TP63: variants seen among roughly 807,000 people sequenced by gnomAD.
The protein encoded by TP63 is tumor protein p63.
Under a neutral mutation model 82.8 loss-of-function variants are expected in TP63, and 17 were observed. The ratio of observed to expected loss-of-function variants is 0.21; its 90% CI spans 0.14 to 0.31. The LOEUF is 0.31. Among genes scored for constraint, TP63 ranks in the 10% least tolerant of loss-of-function variants. TP63 has a pLI of 1.00. For synonymous variants in TP63, 330 were observed against 321.7 expected, an observed-to-expected ratio of 1.03 and a Z score of -0.28; for missense variants, 648 against 895.3, an observed-to-expected ratio of 0.72 and a Z score of 3.52.
intron 4 of TP63, among the ~76,000 whole-genome samples, chr3:189,851,773 A>G (rs1168337503): frequency 1.3e-5 from 2 of 152,022 alleles, no homozygotes; most frequent in Non-Finnish European, 2.9e-5. Flanking sequence ...CAGACTTAAG[A>G]TATGCCCTTC....
intron 3 of TP63, among the ~76,000 whole-genome samples, chr3:189,803,101 C>T (rs1376481403): frequency 6.6e-6 from 1 of 152,126 alleles, no homozygotes; most frequent in East Asian, 1.9e-4. Flanking sequence ...GAGTTTGAGA[C>T]CAGCCCGACC....
intron 3 of TP63, among the ~76,000 whole-genome samples, chr3:189,792,161 C>T (rs1243396937): frequency 1.3e-5 from 2 of 151,972 alleles, no homozygotes; most frequent in Non-Finnish European, 2.9e-5. Flanking sequence ...TTCCCCAACC[C>T]TTAGCAGATT....
chr3:189,699,622 A>C (rs1439175296), intron 1 of TP63, among the ~76,000 whole-genome samples: 3 of 152,204 alleles, frequency 2.0e-5, no homozygotes, highest in East Asian at 3.9e-4. Flanking sequence ...CCTGCCCTTC[A>C]TTAACATAGG....
chr3:189,628,127 A>G (rs1023289908), upstream of TP63, among the ~76,000 whole-genome samples: 3 of 152,138 alleles, frequency 2.0e-5, no homozygotes, highest in African/African-American at 7.2e-5. Context: ...CCAGGAAGAA[A>G]GTTATAGGTG....
At chr3:189,841,487 T>G (rs1418216894) in intron 4 of TP63, among the ~76,000 whole-genome samples, 1 of 152,126 alleles carries the variant, frequency 6.6e-6, no homozygotes, top group Non-Finnish European at 1.5e-5. Context: ...AGTCTTCCGG[T>G]AAAAAGAATA....
intron 5 of TP63, 108 bp downstream of exon 5, chr3:189,864,526 G>T: frequency 5.1e-6 from 4 of 784,298 alleles, no homozygotes; most frequent in Non-Finnish European, 7.5e-6. Flanking sequence ...GCACTCCGAT[G>T]GCAGATCAGT....
chr3:189,873,904 T>C (rs1335428113), intron 10 of TP63, among the ~76,000 whole-genome samples: 1 of 152,184 alleles, frequency 6.6e-6, no homozygotes, highest in African/African-American at 2.4e-5. Context: ...ACTTGAGTAA[T>C]GTAGACTTTC....
the TP63 span, among the ~76,000 whole-genome samples, chr3:189,610,136 G>A: frequency 2.0e-5 from 3 of 152,184 alleles, no homozygotes; most frequent in African/African-American, 7.2e-5. Flanking sequence ...GTGATATTGA[G>A]CTTTTTTTCA....
intron 4 of TP63, among the ~76,000 whole-genome samples, chr3:189,833,244 T>C (rs1323223489): frequency 6.6e-6 from 1 of 152,206 alleles, no homozygotes; most frequent in African/African-American, 2.4e-5. Flanking sequence ...ACAGTGATGA[T>C]AGTGATGGCC....
intron 1 of TP63, among the ~76,000 whole-genome samples, chr3:189,719,749 C>A (rs1464679147): frequency 6.6e-6 from 1 of 152,118 alleles, no homozygotes; most frequent in Non-Finnish European, 1.5e-5. Flanking sequence ...TTCAGAGAGT[C>A]TTCTGTTTTT....
chr3:189,836,472 G>T (rs374889445), intron 4 of TP63, among the ~76,000 whole-genome samples: 7 of 152,132 alleles, frequency 4.6e-5, no homozygotes, highest in East Asian at 1.9e-4. Flanking sequence ...TTTTTGCTTT[G>T]TAACCTGTAG....
At chr3:189,747,310 G>C (rs534824025) in intron 3 of TP63, among the ~76,000 whole-genome samples, 1 of 152,030 alleles carries the variant, frequency 6.6e-6, no homozygotes, top group Non-Finnish European at 1.5e-5. Context: ...CTTCTTATCA[G>C]CACAAGGAAC....
At chr3:189,871,197 CTAAA>C (rs1718378243) in intron 9 of TP63, among the ~76,000 whole-genome samples, 2 of 151,918 alleles carry the variant, frequency 1.3e-5, no homozygotes, top group African/African-American at 4.8e-5. Flanking sequence ...AAGACTTAGC[CTAAA>C]TAATTTATGG....
At position 189,808,499 on chromosome 3, in the gene TP63, G is replaced by A. The variant is rs755546487; in HGVS notation, c.552G>A (p.Ser184=). Residue 184 remains serine (S), a synonymous_variant, in exon 4 of 14, where the codon TCG becomes TCA. Transcript: ENST00000264731. Reference sequence around the variant, plus strand: ...GTTTCGACGTGTCCTTCCAGCAGTCGAGCACCGCCAAGTCGGCCACCTGGA... The same window carrying A: ...GTTTCGACGTGTCCTTCCAGCAGTCAAGCACCGCCAAGTCGGCCACCTGGA... ...PHSFDVSFQQ[S]STAKSATWTY... is the part of the protein sequence containing the mutation. 3 of 1,614,086 alleles carry A rather than the reference G, an allele frequency of 1.9e-6. No homozygotes were observed. The highest frequency in any genetic ancestry group is 1.7e-5 in the Admixed American group (1 of 60,006).
At chr3:189,741,206 A>C (rs555438659) in intron 3 of TP63, among the ~76,000 whole-genome samples, 1 of 131,424 alleles carries the variant, frequency 7.6e-6, no homozygotes, top group South Asian at 2.3e-4. Context: ...GTCTGTGGAA[A>C]AAAAAAAAAA....
At chr3:189,643,570 A>G (rs1315548489) in intron 1 of TP63, among the ~76,000 whole-genome samples, 2 of 152,128 alleles carry the variant, frequency 1.3e-5, no homozygotes, top group Non-Finnish European at 2.9e-5. Flanking sequence ...GCCCTCCTCC[A>G]TGAACTCTTG....
chr3:189,699,485 T>G (rs886923153), intron 1 of TP63, among the ~76,000 whole-genome samples: 6 of 152,204 alleles, frequency 3.9e-5, no homozygotes, highest in Admixed American at 3.9e-4. Context: ...GAGAATGCAT[T>G]AAATGATTCT....
chr3:189,845,192 T>C (rs1470371719), intron 4 of TP63, among the ~76,000 whole-genome samples: 1 of 152,196 alleles, frequency 6.6e-6, no homozygotes, highest in Non-Finnish European at 1.5e-5. Flanking sequence ...GTATTTTGGG[T>C]TATTTGAGAT....
intron 1 of TP63, among the ~76,000 whole-genome samples, chr3:189,704,696 A>G (rs562105415): frequency 7.2e-5 from 11 of 152,230 alleles, no homozygotes; most frequent in Non-Finnish European, 1.5e-4. Flanking sequence ...CTCTCAATAA[A>G]TATTCCTCGA....
Sources: gnomAD v4.1 joint callset for allele counts (sites outside exome capture counted in the v4.1 genomes callset) on GRCh38, gnomAD v4.1.1 for gene constraint, MANE v1.5 for transcripts, NCBI Gene and HGNC (gene_info 2026-07-23, HGNC 2026-07-21) for gene names.